Variants in MALRD1 observed in about 807,000 individuals in gnomAD.
The protein encoded by MALRD1 is MAM and LDL-receptor class A domain-containing protein 1.
Under a neutral mutation model 242.1 loss-of-function variants are expected in MALRD1, and 247 were observed. The observed-to-expected ratio is 1.02, with a 90% CI of 0.92 to 1.13. MALRD1 has a LOEUF of 1.13. Among genes scored for constraint, MALRD1 ranks in the 50% most tolerant of loss-of-function variants. MALRD1 has a pLI of 0.00. For missense variants in MALRD1, 2,989 were observed against 2,533.1 expected (o/e 1.18, Z -3.86); for synonymous variants, 995 against 866.6 (o/e 1.15, Z -2.60).
At chr10:19,705,070 A>G (rs1315745705) in intron 38 of MALRD1, among the ~76,000 whole-genome samples, 2 of 152,178 alleles carry the variant, frequency 1.3e-5, no homozygotes, top group Non-Finnish European at 2.9e-5. Flanking sequence ...AGATTCTTGA[A>G]TGGTTGGCCC....
chr10:19,249,202 G>A (rs2131777740), intron 18 of MALRD1, among the ~76,000 whole-genome samples: 1 of 151,600 alleles, frequency 6.6e-6, no homozygotes, highest in Middle Eastern at 3.4e-3. Flanking sequence ...TGAAGGAAAG[G>A]ACTTGGAAAT....
intron 29 of MALRD1, among the ~76,000 whole-genome samples, chr10:19,458,250 A>G (rs548251242): frequency 6.6e-6 from 1 of 152,322 alleles, no homozygotes; most frequent in African/African-American, 2.4e-5. Flanking sequence ...TATTTGAAGT[A>G]ACTAAATCCC....
At position 19,331,238 on chromosome 10, in the gene MALRD1, A is replaced by C. The variant is rs182972777; in HGVS notation, c.3688-131A>C. 742 of 768,618 alleles carry C rather than the reference A, an allele frequency of 9.7e-4. 1 individual carries two copies. In the African/African-American group the frequency reaches 0.016, roughly 16 times the overall value. 47.6% of individuals were successfully genotyped at this position (768,618 alleles called of 1,614,324 possible). On this transcript the variant is annotated intron_variant, in intron 23 of 39. Coordinates refer to ENST00000454679, the MANE Select transcript of MALRD1 (RefSeq NM_001142308.3). ...GGTCACTTTCAACATAGGGACATAA[A>C]AAACAAAAACAAAAACAAAAAAACA... is the stretch of plus-strand genomic sequence containing the variant.
intron 29 of MALRD1, among the ~76,000 whole-genome samples, chr10:19,477,611 T>G (rs1242640044): frequency 1.3e-5 from 2 of 151,880 alleles, no homozygotes; most frequent in African/African-American, 4.8e-5. Context: ...AGTTTAAGGG[T>G]GGAGGTTTAA....
At chr10:19,585,260 C>A (rs926668506) in intron 33 of MALRD1, among the ~76,000 whole-genome samples, 2 of 151,034 alleles carry the variant, frequency 1.3e-5, no homozygotes, top group African/African-American at 2.4e-5. Flanking sequence ...GAATTTGATC[C>A]TGTCATTATG....
chr10:19,378,113 T>C (rs544563812), intron 26 of MALRD1, among the ~76,000 whole-genome samples: 27 of 152,176 alleles, frequency 1.8e-4, no homozygotes, highest in Non-Finnish European at 3.8e-4. Context: ...TTTTTTACTC[T>C]AAACTTGACA....
intron 38 of MALRD1, among the ~76,000 whole-genome samples, chr10:19,702,973 C>T (rs1266402344): frequency 6.6e-6 from 1 of 152,144 alleles, no homozygotes; most frequent in African/African-American, 2.4e-5. Flanking sequence ...AAGCTAAGCA[C>T]AGGAACAAGC....
chr10:19,264,995 G>A (rs1839916027), intron 19 of MALRD1, among the ~76,000 whole-genome samples: 2 of 152,068 alleles, frequency 1.3e-5, no homozygotes, highest in African/African-American at 4.8e-5. Context: ...ATGTTTGTAG[G>A]AATTTATCTA....
At chr10:19,516,166 A>G (rs115336061) in intron 31 of MALRD1, among the ~76,000 whole-genome samples, 247 of 152,306 alleles carry the variant, frequency 1.6e-3, no homozygotes, top group African/African-American at 5.6e-3. Context: ...TGCTTTAATC[A>G]AACTCACACA....
intron 32 of MALRD1, among the ~76,000 whole-genome samples, chr10:19,538,421 A>T (rs1400952562): frequency 6.6e-6 from 1 of 152,204 alleles, no homozygotes; most frequent in African/African-American, 2.4e-5. Flanking sequence ...TACAAAGATC[A>T]GTTTCTTTCT....
At chr10:19,088,242 T>A in intron 4 of MALRD1, 57 bp downstream of exon 4, 1 of 1,211,898 alleles carries the variant, frequency 8.3e-7, no homozygotes, top group Non-Finnish European at 1.0e-6. Flanking sequence ...TACAGATCTT[T>A]AACACCAGGT....
At chr10:19,594,257 G>A (rs1303985272) in intron 33 of MALRD1, among the ~76,000 whole-genome samples, 1 of 152,114 alleles carries the variant, frequency 6.6e-6, no homozygotes, top group Non-Finnish European at 1.5e-5. Flanking sequence ...TAATTTGAAG[G>A]TGTCAGTTTT....
At chr10:19,484,223 C>T (rs529149389) in intron 29 of MALRD1, among the ~76,000 whole-genome samples, 11 of 152,148 alleles carry the variant, frequency 7.2e-5, no homozygotes, top group Non-Finnish European at 1.5e-4. Flanking sequence ...CTCAGCATCA[C>T]ACAATATATC....
At chr10:19,567,821 T>A (rs1589248683) in intron 33 of MALRD1, 118 bp downstream of exon 33, 1 of 888,074 alleles carries the variant, frequency 1.1e-6, no homozygotes, top group Non-Finnish European at 1.7e-6. Flanking sequence ...TATTTACACA[T>A]GGAAAAGAGT....
intron 36 of MALRD1, among the ~76,000 whole-genome samples, chr10:19,683,416 G>A (rs1325367080): frequency 1.3e-5 from 2 of 152,208 alleles, no homozygotes; most frequent in African/African-American, 2.4e-5. Flanking sequence ...GTATTTTCAT[G>A]TGCATCGTAA....
intron 32 of MALRD1, among the ~76,000 whole-genome samples, chr10:19,544,792 T>TTTTTTCTTCA (rs1835137457): frequency 6.6e-6 from 1 of 152,116 alleles, no homozygotes; most frequent in Non-Finnish European, 1.5e-5. Flanking sequence ...AAAATGACCA[T>TTTTTTCTTCA]GACCTCTCTT....
intron 29 of MALRD1, among the ~76,000 whole-genome samples, chr10:19,484,717 A>G (rs1837163693): frequency 6.6e-6 from 1 of 152,140 alleles, no homozygotes; most frequent in South Asian, 2.1e-4. Flanking sequence ...TTTATACACC[A>G]CTGATGGAAA....
intron 38 of MALRD1, among the ~76,000 whole-genome samples, chr10:19,716,595 A>AT (rs1175668616): frequency 6.6e-6 from 1 of 152,232 alleles, no homozygotes; most frequent in South Asian, 2.1e-4. Context: ...CATCATAGCA[A>AT]TGCAAGAATG....
intron 36 of MALRD1, among the ~76,000 whole-genome samples, chr10:19,626,751 C>A (rs1447128094): frequency 6.6e-6 from 1 of 151,660 alleles, no homozygotes. Flanking sequence ...AATGAACAAA[C>A]CACTTTCTAG....
Sources: gnomAD v4.1 joint callset for allele counts (sites outside exome capture counted in the v4.1 genomes callset) on GRCh38, gnomAD v4.1.1 for gene constraint, MANE v1.5 for transcripts, NCBI Gene and HGNC (gene_info 2026-07-23, HGNC 2026-07-21) for gene names.